SDAD1: variants seen among roughly 807,000 people sequenced by gnomAD.
SDAD1 encodes SDA1 domain containing 1.
In SDAD1, 79 loss-of-function variants were observed where a neutral mutation model predicts 100.3. The ratio of observed to expected loss-of-function variants is 0.79; its 90% confidence interval spans 0.66 to 0.95. The LOEUF is 0.95. Among genes scored for constraint, SDAD1 ranks in the 40% least tolerant of loss-of-function variants. The pLI, the probability that SDAD1 is intolerant of heterozygous loss-of-function variation, is 0.00. For missense variants in SDAD1, 790 were observed against 810.9 expected (o/e 0.97, Z 0.31); for synonymous variants, 267 against 271.4 (o/e 0.98, Z 0.16).
chr4:75,967,254 A>C (rs746862928), intron 12 of SDAD1, 23 bp downstream of exon 12: 1 of 1,611,920 alleles, frequency 6.2e-7, no homozygotes, highest in East Asian at 2.2e-5. Flanking sequence ...GCCACCAAAG[A>C]AACATGGCAA....
intron 7 of SDAD1, among the ~76,000 whole-genome samples, chr4:75,973,848 G>A (rs886991221): frequency 3.3e-5 from 5 of 151,878 alleles, no homozygotes; most frequent in African/African-American, 9.7e-5. Flanking sequence ...AGATGACCCA[G>A]GAAAGCAGTA....
intron 21 of SDAD1, among the ~76,000 whole-genome samples, chr4:75,955,431 T>C (rs901278100): frequency 4.6e-5 from 7 of 152,120 alleles, no homozygotes; most frequent in Middle Eastern, 3.2e-3. Context: ...AAGAGCCCCG[T>C]TGCATTGCGG....
At position 75,970,351 on chromosome 4, in the gene SDAD1, C is replaced by G. The variant is rs1355714778; in HGVS notation, c.841G>C (p.Val281Leu). The change falls in exon 10 of 22, where the codon GTG becomes CTG. Residue 281 changes from valine to leucine, a missense_variant. Val to Leu is a conservative substitution (Grantham distance 32). Transcript: ENST00000356260. ...AAGTGAATGGCTGAAAAGTTAAACA[C>G]CTCTGGTTTTTTCTTCTTTTTTTGT... ...KKQKKKKKPEVFNFSAIHLIH... is the reference protein window; with the variant it reads ...KKQKKKKKPELFNFSAIHLIH... 1 of 1,613,850 alleles carries G rather than the reference C, an allele frequency of 6.2e-7. No homozygotes were observed. The highest frequency in any genetic ancestry group is 1.1e-5 in the South Asian group (1 of 91,070).
rs538009004 is a variant in SDAD1 at position 75,978,982 on chromosome 4, GAAAAAAAAAA to G, written c.295-1236_295-1227del. 5.5e-4 allele frequency among the ~76,000 whole-genome samples: 21 copies of G among 38,036 alleles called. No homozygotes were observed. In the East Asian group the frequency reaches 6.7e-3, roughly 12 times the overall value. 25.0% of individuals were successfully genotyped at this position (38,036 alleles called of 152,430 possible). Reference sequence around the variant, plus strand: ...CAGCTGAGTGACAGACCCTGTCTCAGAAAAAAAAAAAAAAAAAAAAAAAAAAAAATTCAGG... The same window carrying G: ...CAGCTGAGTGACAGACCCTGTCTCAGAAAAAAAAAAAAAAAAAAATTCAGG... On this transcript the variant is annotated intron_variant, in intron 3 of 21. Coordinates refer to ENST00000356260, the MANE Select transcript of SDAD1 (RefSeq NM_018115.4).
At position 75,964,328 on chromosome 4, in the gene SDAD1, T is replaced by C. The variant is rs1578124372; in HGVS notation, c.1105-117A>G. On this transcript the variant is annotated intron_variant, in intron 13 of 21. Transcript: ENST00000356260. ...GAAAACCCAGCCTTCCACCTTCAGT[T>C]TAGGAATTGGAAGTAATCAAGATTA... 4.2e-6 allele frequency: 3 copies of C among 709,414 alleles called. No homozygotes were observed. The East Asian group carries it at 8.7e-5, about 21-fold the overall frequency. The allele number at this position is 709,414 out of a possible 1,614,324, so 43.9% of individuals were successfully genotyped here.
rs1284610694 is a variant in SDAD1 at position 75,961,083 on chromosome 4, G to T, written c.1301C>A (p.Thr434Asn). The T allele has an allele frequency of 2.5e-6, 4 of 1,614,004 alleles. No individual in the cohort carries two copies. The highest frequency in any genetic ancestry group is 3.4e-6 in the Non-Finnish European group (4 of 1,179,996). Reference sequence around the variant, plus strand: ...CAGTGTTCGGAAGAGGTGAATCAAAGTTCTAGCAGACATCATTACATCTGT... The same window carrying T: ...CAGTGTTCGGAAGAGGTGAATCAAATTTCTAGCAGACATCATTACATCTGT... ...KDKNVMMSAR[T>N]LIHLFRTLNP... Residue 434 changes from threonine (T) to asparagine (N), a missense_variant, in exon 16 of 22, where the codon ACT becomes AAT. By Grantham distance (65) the Thr-to-Asn change is moderately conservative. Coordinates refer to ENST00000356260, the MANE Select transcript of SDAD1 (RefSeq NM_018115.4).
chr4:75,978,237 T>A (rs1288946330), intron 3 of SDAD1, among the ~76,000 whole-genome samples: 2 of 496 alleles, frequency 4.0e-3, no homozygotes, highest in African/African-American at 0.017. Context: ...GCCCCCCGCC[T>A]TTTTTTTTTT....
rs1021006707 is a variant in SDAD1, at chr4:75,974,278, G to A, written c.579-145C>T. 3.3e-5 allele frequency: 22 copies of A among 667,312 alleles called. No homozygotes were observed. The South Asian group carries it at 4.0e-4, about 12-fold the overall frequency. The allele number at this position is 667,312 out of a possible 1,614,324, so 41.3% of individuals were successfully genotyped here. On this transcript the variant is annotated intron_variant, in intron 6 of 21. Coordinates refer to ENST00000356260, the MANE Select transcript of SDAD1 (RefSeq NM_018115.4). ...GTAATATTTTAAAAAGATACGAGTT[G>A]CTAAATTACTTAACCACAGGTAAAA...
chr4:75,954,400 A>T (rs1354162093), intron 21 of SDAD1, among the ~76,000 whole-genome samples: 6 of 151,680 alleles, frequency 4.0e-5, no homozygotes, highest in Non-Finnish European at 2.9e-5. Flanking sequence ...AAAAAAGAGA[A>T]AAGTACCCAC....
intron 1 of SDAD1, among the ~76,000 whole-genome samples, chr4:75,986,045 C>G (rs1231816149): frequency 6.6e-6 from 1 of 152,182 alleles, no homozygotes; most frequent in Non-Finnish European, 1.5e-5. Context: ...CCTGTGCTTT[C>G]CTTCTCTACA....
chr4:75,989,129 G>C (rs1731080401), intron 1 of SDAD1, among the ~76,000 whole-genome samples: 1 of 152,178 alleles, frequency 6.6e-6, no homozygotes, highest in Non-Finnish European at 1.5e-5. Context: ...CTCTGAATAA[G>C]CTGACCCCTG....
intron 1 of SDAD1, among the ~76,000 whole-genome samples, chr4:75,990,260 G>T (rs1314775012): frequency 7.5e-6 from 1 of 133,058 alleles, no homozygotes; most frequent in African/African-American, 3.0e-5. Context: ...GAGTCTGTCC[G>T]TTGTGCTTGA....
At chr4:75,956,971 G>T (rs1004770363) in intron 20 of SDAD1, among the ~76,000 whole-genome samples, 3 of 152,154 alleles carry the variant, frequency 2.0e-5, no homozygotes, top group African/African-American at 7.2e-5. Flanking sequence ...TTAGCTGGGC[G>T]TGGTAGCAGA....
At chr4:75,981,767 C>G (rs1730533233) in intron 2 of SDAD1, among the ~76,000 whole-genome samples, 166 bp downstream of exon 2, 1 of 152,086 alleles carries the variant, frequency 6.6e-6, no homozygotes, top group Non-Finnish European at 1.5e-5. Context: ...TAGTGACATT[C>G]TCTAACTCAT....
At chr4:75,958,471 A>G (rs1263658783) in intron 17 of SDAD1, among the ~76,000 whole-genome samples, 1 of 152,248 alleles carries the variant, frequency 6.6e-6, no homozygotes. Context: ...AGACACCTCA[A>G]TAAAAAGGTA....
At chr4:75,980,467 T>C (rs536364121) in intron 3 of SDAD1, among the ~76,000 whole-genome samples, 1 of 152,248 alleles carries the variant, frequency 6.6e-6, no homozygotes, top group South Asian at 2.1e-4. Flanking sequence ...ACTTATCTGC[T>C]GTAAAGAGGT....
At chr4:75,981,565 G>A in intron 2 of SDAD1, 95 bp from the exon 3 acceptor site, 1 of 1,572,770 alleles carries the variant, frequency 6.4e-7, no homozygotes, top group Non-Finnish European at 8.6e-7. Context: ...GAGAGTAAAA[G>A]GCTATGTTTC....
chr4:75,965,965 T>C, intron 12 of SDAD1, 143 bp from the exon 13 acceptor site: 2 of 646,858 alleles, frequency 3.1e-6, no homozygotes, highest in South Asian at 1.9e-5. Context: ...GATATCTGCT[T>C]GGCTTACCCC....
chr4:75,954,696 T>C (rs1400858922), intron 21 of SDAD1, among the ~76,000 whole-genome samples: 3 of 152,168 alleles, frequency 2.0e-5, no homozygotes, highest in Middle Eastern at 3.2e-3. Flanking sequence ...CAATGCCAGG[T>C]TGGGCTGCCA....
Sources: gnomAD v4.1 joint callset for allele counts (sites outside exome capture counted in the v4.1 genomes callset) on GRCh38, gnomAD v4.1.1 for gene constraint, MANE v1.5 for transcripts, NCBI Gene and HGNC (gene_info 2026-07-23, HGNC 2026-07-21) for gene names.